Variants in RARRES1 observed in about 807,000 individuals in gnomAD.
RARRES1 encodes the protein retinoic acid receptor responder 1.
Under a neutral mutation model 30.6 loss-of-function variants are expected in RARRES1, and 34 were observed. That is an observed-to-expected ratio of 1.11 (90% CI 0.84 to 1.48). RARRES1 has a LOEUF of 1.48. Among genes scored for constraint, RARRES1 ranks in the 40% most tolerant of loss-of-function variants. RARRES1 has a pLI of 0.00. For missense variants in RARRES1, 373 were observed against 386.5 expected (o/e 0.97, Z 0.29); for synonymous variants, 153 against 155.5 (o/e 0.98, Z 0.12).
chr3:158,726,753 A>G (rs1727701231), intron 1 of RARRES1, among the ~76,000 whole-genome samples: 1 of 152,212 alleles, frequency 6.6e-6, no homozygotes, highest in East Asian at 1.9e-4. Context: ...GGAAACCACA[A>G]ACGATTCCCC....
At chr3:158,707,760 T>A (rs1176919840) in intron 3 of RARRES1, among the ~76,000 whole-genome samples, 1 of 152,356 alleles carries the variant, frequency 6.6e-6, no homozygotes, top group East Asian at 1.9e-4. Flanking sequence ...AGAAATCTTT[T>A]AGAAGAAAAT....
rs6786423 is a variant in RARRES1, at chr3:158,732,389, A to G, written c.27T>C (p.Pro9=). The G allele has an allele frequency of 0.39, 588,232 of 1,502,988 alleles. 119,469 individuals carry two copies. The highest frequency in any genetic ancestry group is 0.58 in the African/African-American group (40,221 of 69,076). 93.1% of individuals were successfully genotyped at this position (1,502,988 alleles called of 1,614,324 possible). ...GGCCCCTGGGCCCGGACCAGGGAGC[A>G]GGCAGCCGTTGCCGGCGGGGCTGCA... MQPRRQRL[P]APWSGPRGPR... The change falls in exon 1 of 6, where the codon CCT becomes CCC. Residue 9 remains proline, a synonymous_variant. Coordinates refer to ENST00000237696, the MANE Select transcript of RARRES1 (RefSeq NM_206963.2).
chr3:158,727,575 C>G (rs1041412552), intron 1 of RARRES1, among the ~76,000 whole-genome samples: 5 of 152,324 alleles, frequency 3.3e-5, no homozygotes, highest in Admixed American at 6.5e-5. Context: ...GGAGACTTGT[C>G]TTCAAGTAAG....
intron 4 of RARRES1, 111 bp from the exon 5 acceptor site, chr3:158,698,081 G>T (rs1307537315): frequency 8.3e-6 from 6 of 721,314 alleles, no homozygotes; most frequent in Non-Finnish European, 1.1e-5. Flanking sequence ...CTGCCTTTTC[G>T]ATTTCAGCCT....
In RARRES1 at chr3:158,710,308, T is replaced by C. The variant is rs1192363844; in HGVS notation, c.535+430A>G. Among the ~76,000 whole-genome samples, 5 of 151,390 alleles carry C rather than the reference T, an allele frequency of 3.3e-5. No individual in the cohort carries two copies. The East Asian group carries it at 5.9e-4, about 18-fold the overall frequency. Reference sequence around the variant, plus strand: ...CTGCAACCTCCGCCTCCCAGGTTCATGCCATTCTCCTTCCCCAGCCTCCTG... The same window carrying C: ...CTGCAACCTCCGCCTCCCAGGTTCACGCCATTCTCCTTCCCCAGCCTCCTG... On this transcript the variant is annotated intron_variant, in intron 3 of 5. Transcript: ENST00000237696.
intron 1 of RARRES1, among the ~76,000 whole-genome samples, chr3:158,729,329 T>C (rs1727795452): frequency 6.6e-6 from 1 of 151,444 alleles, no homozygotes; most frequent in Admixed American, 6.6e-5. Flanking sequence ...GAATTTTTAC[T>C]TTATTCACTC....
chr3:158,714,346 G>A (rs557451216), intron 1 of RARRES1, among the ~76,000 whole-genome samples: 1 of 152,246 alleles, frequency 6.6e-6, no homozygotes, highest in East Asian at 1.9e-4. Context: ...GAAAGACAGT[G>A]GTGGTGTAGG....
intron 1 of RARRES1, among the ~76,000 whole-genome samples, chr3:158,716,584 CTCT>C (rs1286210662): frequency 7.8e-6 from 1 of 128,798 alleles, no homozygotes; most frequent in Non-Finnish European, 1.7e-5. Context: ...TAAGGAAGCA[CTCT>C]TTTTTTTTTT....
In RARRES1 at chr3:158,732,236, C is replaced by A; in HGVS notation, c.180G>T (p.Gln60His). 1 of 1,390,360 alleles carries A rather than the reference C, an allele frequency of 7.2e-7. No individual in the cohort carries two copies. Among genetic ancestry groups the A allele is most frequent in the African/African-American group, 1.5e-5 (1 of 66,062 alleles). The allele number at this position is 1,390,360 out of a possible 1,614,324, so 86.1% of individuals were successfully genotyped here. ...QDAGVPRRLL[Q>H]QAARAALHFF... The stretch of plus-strand genomic sequence containing the variant: ...AGTGAAGCGCCGCGCGCGCCGCCTG[C>A]TGCAGGAGCCTGCGCGGGACCCCAG... The change falls in exon 1 of 6, where the codon CAG becomes CAT. Residue 60 changes from glutamine (Q) to histidine (H), a missense_variant. Transcript: ENST00000237696.
chr3:158,704,210 CTTTTTTTTTTTTTTTTTTT>C (rs78169321), intron 4 of RARRES1, among the ~76,000 whole-genome samples: 5 of 82,846 alleles, frequency 6.0e-5, no homozygotes, highest in East Asian at 5.3e-4. Context: ...TATTGCAATA[CTTTTTTTTTTTTTTTTTTT>C]TTTTTTTTTT....
At chr3:158,709,106 T>C (rs1233322029) in intron 3 of RARRES1, among the ~76,000 whole-genome samples, 2 of 152,214 alleles carry the variant, frequency 1.3e-5, no homozygotes, top group Non-Finnish European at 2.9e-5. Context: ...CTTACAAGTT[T>C]TTCGATGAAA....
intron 4 of RARRES1, among the ~76,000 whole-genome samples, chr3:158,700,882 C>T (rs1726700184): frequency 6.6e-6 from 1 of 152,102 alleles, no homozygotes; most frequent in Non-Finnish European, 1.5e-5. Flanking sequence ...TAACCCAACC[C>T]ACCCCATGCC....
intron 1 of RARRES1, among the ~76,000 whole-genome samples, chr3:158,728,726 G>A (rs988449408): frequency 6.6e-5 from 10 of 151,904 alleles, no homozygotes; most frequent in Admixed American, 2.6e-4. Context: ...GTTTCACCAT[G>A]TTGGCCAGGC....
At chr3:158,706,267 G>T (rs1008623875) in intron 3 of RARRES1, among the ~76,000 whole-genome samples, 8 of 152,196 alleles carry the variant, frequency 5.3e-5, no homozygotes, top group Non-Finnish European at 7.3e-5. Context: ...AAGAGAGGGA[G>T]GATCAGAAAG....
At chr3:158,730,319 C>CAA (rs58772915) in intron 1 of RARRES1, among the ~76,000 whole-genome samples, 97 of 79,392 alleles carry the variant, frequency 1.2e-3, no homozygotes, top group African/African-American at 4.3e-3. Flanking sequence ...GACTCTGTCT[C>CAA]AAAAAAAAAA....
At chr3:158,717,258 G>C (rs751557046) in intron 1 of RARRES1, among the ~76,000 whole-genome samples, 1 of 152,232 alleles carries the variant, frequency 6.6e-6, no homozygotes, top group Non-Finnish European at 1.5e-5. Flanking sequence ...TCCAAGTACT[G>C]TGCTGGGTGC....
chr3:158,715,799 C>T (rs1250709808), intron 1 of RARRES1, among the ~76,000 whole-genome samples: 1 of 152,088 alleles, frequency 6.6e-6, no homozygotes, highest in Non-Finnish European at 1.5e-5. Flanking sequence ...ATGAGACATG[C>T]CTGACAGTGG....
intron 1 of RARRES1, among the ~76,000 whole-genome samples, chr3:158,720,266 ATGTGTGT>A (rs1727468981): frequency 8.0e-6 from 1 of 124,756 alleles, no homozygotes; most frequent in African/African-American, 3.1e-5. Context: ...GTGTGTGTGT[ATGTGTGT>A]GAGAGAGAGA....
chr3:158,700,215 G>T (rs1460241448), intron 4 of RARRES1, among the ~76,000 whole-genome samples: 4 of 150,672 alleles, frequency 2.7e-5, no homozygotes, highest in East Asian at 3.9e-4. Flanking sequence ...GTGTGTGTGT[G>T]TGTGTGTGTA....
Sources: allele counts gnomAD v4.1 joint callset (sites outside exome capture counted in the v4.1 genomes callset), GRCh38; gene constraint gnomAD v4.1.1; transcripts MANE v1.5; gene names NCBI Gene and HGNC (gene_info 2026-07-23, HGNC 2026-07-21).